Variants in CERS6 observed in about 807,000 individuals in gnomAD.
CERS6 encodes the protein ceramide synthase 6.
CERS6 carries 26 observed loss-of-function variants against 56.8 expected under a neutral mutation model. That is an observed-to-expected ratio of 0.46 (90% CI 0.34 to 0.63). CERS6 has a LOEUF of 0.63. Ranked by LOEUF, CERS6 falls within the 30% of genes least tolerant of loss-of-function variation. CERS6 has a pLI of 0.01. For missense variants in CERS6, 415 were observed against 467.5 expected, an observed-to-expected ratio of 0.89 and a Z score of 1.04; for synonymous variants, 164 against 173.3, an observed-to-expected ratio of 0.95 and a Z score of 0.42.
At chr2:168,651,535 A>G (rs566088104) in intron 4 of CERS6, among the ~76,000 whole-genome samples, 1 of 152,338 alleles carries the variant, frequency 6.6e-6, no homozygotes, top group Admixed American at 6.5e-5. Context: ...ACAGTTCCAC[A>G]TGGATGAGGA....
chr2:168,674,932 CAATT>C (rs957788088), intron 4 of CERS6, among the ~76,000 whole-genome samples: 14 of 151,466 alleles, frequency 9.2e-5, no homozygotes. Flanking sequence ...ATTGTATAAA[CAATT>C]AAAGTTGAGG....
intron 6 of CERS6, among the ~76,000 whole-genome samples, chr2:168,699,002 C>A (rs1412168307): frequency 6.6e-6 from 1 of 152,088 alleles, no homozygotes; most frequent in Non-Finnish European, 1.5e-5. Flanking sequence ...GGAATTTGGC[C>A]GCTACCAGGC....
At chr2:168,645,088 CT>C (rs370395859) in intron 4 of CERS6, among the ~76,000 whole-genome samples, 5,290 of 6,352 alleles carry the variant, frequency 0.83, 2,476 homozygotes, top group Middle Eastern at 1. Context: ...GAGACTGCAT[CT>C]TAAAAAAAAA....
chr2:168,755,734 C>T (rs1364841517), intron 8 of CERS6, among the ~76,000 whole-genome samples: 1 of 152,252 alleles, frequency 6.6e-6, no homozygotes, highest in Non-Finnish European at 1.5e-5. Flanking sequence ...ATCCTGTAAA[C>T]AGGCTCCTTC....
intron 1 of CERS6, among the ~76,000 whole-genome samples, chr2:168,530,072 A>C (rs1393913922): frequency 6.6e-6 from 1 of 152,210 alleles, no homozygotes; most frequent in Non-Finnish European, 1.5e-5. Context: ...CCCCACACAG[A>C]GTGAGCTGCT....
Position 168,768,200 on chromosome 2 carries a change from G to A in CERS6, c.1003-1310G>A, listed in dbSNP as rs147798847. On this transcript the variant is annotated intron_variant, in intron 9 of 9. Coordinates refer to ENST00000305747, the MANE Select transcript of CERS6 (RefSeq NM_203463.3). ...TTGAATGGAGGATTGAAGAGACTTG[G>A]CAGGATGGGAGCCAGTTTTTTTTGT... 6.0e-3 allele frequency among the ~76,000 whole-genome samples: 912 copies of A among 151,902 alleles called. 6 individuals carry two copies. The highest frequency in any genetic ancestry group is 8.0e-3 in the Non-Finnish European group (542 of 67,970).
chr2:168,474,149 T>C (rs1323517323), intron 1 of CERS6, among the ~76,000 whole-genome samples: 4 of 152,250 alleles, frequency 2.6e-5, no homozygotes, highest in Admixed American at 2.6e-4. Context: ...AGGCCATGTC[T>C]TGGGGATTTT....
intron 7 of CERS6, among the ~76,000 whole-genome samples, chr2:168,715,733 G>A (rs890009282): frequency 1.3e-5 from 2 of 151,970 alleles, no homozygotes; most frequent in African/African-American, 4.8e-5. Context: ...ATTTCAAAAG[G>A]TAAAATCCCA....
At chr2:168,714,289 G>C (rs559922912) in intron 6 of CERS6, among the ~76,000 whole-genome samples, 1 of 152,296 alleles carries the variant, frequency 6.6e-6, no homozygotes, top group Admixed American at 6.5e-5. Context: ...CAAATATTTA[G>C]ACCATAGCAC....
At chr2:168,529,209 G>A (rs1180926746) in intron 1 of CERS6, among the ~76,000 whole-genome samples, 1 of 152,174 alleles carries the variant, frequency 6.6e-6, no homozygotes, top group Non-Finnish European at 1.5e-5. Flanking sequence ...TACTGTCATT[G>A]TCTCATTCTT....
intron 8 of CERS6, among the ~76,000 whole-genome samples, chr2:168,726,134 T>C (rs1683344562): frequency 2.0e-5 from 3 of 152,244 alleles, no homozygotes; most frequent in Admixed American, 6.5e-5. Flanking sequence ...TCTTTAATTA[T>C]AAATGGTCTC....
At chr2:168,760,359 C>T (rs567573840) in intron 8 of CERS6, among the ~76,000 whole-genome samples, 4 of 152,092 alleles carry the variant, frequency 2.6e-5, no homozygotes, top group African/African-American at 9.7e-5. Flanking sequence ...AGGCCAGTCT[C>T]GCGTTTCCCA....
intron 6 of CERS6, among the ~76,000 whole-genome samples, chr2:168,701,704 A>G (rs577006172): frequency 1.3e-5 from 2 of 152,134 alleles, no homozygotes; most frequent in Admixed American, 6.6e-5. Flanking sequence ...CAAGTCTTTT[A>G]TATAAAATGG....
At chr2:168,475,451 C>G (rs551248250) in intron 1 of CERS6, among the ~76,000 whole-genome samples, 41 of 152,012 alleles carry the variant, frequency 2.7e-4, no homozygotes, top group African/African-American at 9.4e-4. Context: ...AATTTTATAT[C>G]GTGGGATTTA....
chr2:168,590,943 T>C (rs906875875), intron 3 of CERS6, among the ~76,000 whole-genome samples: 2 of 152,242 alleles, frequency 1.3e-5, no homozygotes, highest in Non-Finnish European at 2.9e-5. Context: ...CAGGTGGGAT[T>C]TGCATCTTGC....
At chr2:168,651,634 C>T (rs913796136) in intron 4 of CERS6, among the ~76,000 whole-genome samples, 1 of 152,080 alleles carries the variant, frequency 6.6e-6, no homozygotes, top group Non-Finnish European at 1.5e-5. Context: ...GGGGGAACCG[C>T]CAGACCCTTT....
rs542648320 is a variant in CERS6 at position 168,546,537 on chromosome 2, TG to T, written c.171-1057del. ...GTGGTACTTTACATGTAAGTTTCATTGGTCCTACTTTAAAAACAAAAACCTT... is the reference window on the plus strand; with the variant it reads ...GTGGTACTTTACATGTAAGTTTCATTGTCCTACTTTAAAAACAAAAACCTT... On this transcript the variant is annotated intron_variant, in intron 1 of 9. Coordinates refer to ENST00000305747, the MANE Select transcript of CERS6 (RefSeq NM_203463.3). 2.0e-4 allele frequency among the ~76,000 whole-genome samples: 31 copies of T among 152,320 alleles called. No individual in the cohort carries two copies. In the East Asian group the frequency reaches 4.6e-3, roughly 23 times the overall value.
intron 4 of CERS6, among the ~76,000 whole-genome samples, chr2:168,671,411 A>G (rs1479135878): frequency 6.6e-6 from 1 of 152,210 alleles, no homozygotes; most frequent in East Asian, 1.9e-4. Context: ...TGGTATAGCT[A>G]GTTACATCTT....
chr2:168,713,996 C>T (rs893903117), intron 6 of CERS6, among the ~76,000 whole-genome samples: 1 of 152,164 alleles, frequency 6.6e-6, no homozygotes, highest in Non-Finnish European at 1.5e-5. Flanking sequence ...CTGTAAACAA[C>T]AGAAATTGAT....
Sources: gnomAD v4.1 joint callset for allele counts (sites outside exome capture counted in the v4.1 genomes callset) on GRCh38, gnomAD v4.1.1 for gene constraint, MANE v1.5 for transcripts, NCBI Gene and HGNC (gene_info 2026-07-23, HGNC 2026-07-21) for gene names.